The following SALL4 variants were observed in gnomAD, a reference collection of about 807,000 sequenced individuals.
The protein encoded by SALL4 is spalt like transcription factor 4.
In SALL4, 4 loss-of-function variants were observed where a neutral mutation model predicts 60.8. The ratio of observed to expected loss-of-function variants is 0.07; its 90% confidence interval spans 0.03 to 0.15. SALL4 has a LOEUF of 0.15. Among genes scored for constraint, SALL4 ranks in the 10% least tolerant of loss-of-function variants. The pLI is 1.00. For synonymous variants in SALL4, 580 were observed against 574.9 expected (o/e 1.01, Z -0.13); for missense variants, 1,178 against 1,394.7 (o/e 0.84, Z 2.48).
Position 51,791,497 on chromosome 20 carries a change from C to T in SALL4, c.986G>A (p.Arg329His), listed in dbSNP as rs376519013. 455 of 1,613,884 alleles carry T rather than the reference C, an allele frequency of 2.8e-4. No individual in the cohort carries two copies. Among genetic ancestry groups the T allele is most frequent in the Non-Finnish European group, 3.5e-4 (414 of 1,179,994 alleles). ...GTRVLPNVMS[R>H]LPSALLPQAP... ...CTGAGGAAGCAAAGCGCTCGGGAGG[C>T]GGGACATGACGTTCGGGAGCACCCG... The change falls in exon 2 of 4, where the codon CGC becomes CAC. Residue 329 changes from arginine to histidine, a missense_variant. Physicochemically the swap from Arg to His is conservative, Grantham distance 29. Transcript: ENST00000217086. This position sits in a 1 kb window ranked among gnomAD's most constrained non-coding sequence, Gnocchi z 4.6.
rs758006621 is a variant in SALL4 at position 51,784,384 on chromosome 20, T to C, written c.3043A>G (p.Lys1015Glu). ...ATACCCGACTGGGAGCCATCCATCTTGGAGACAGTGGCGTTATTCACAACG... is the reference window on the plus strand; with the variant it reads ...ATACCCGACTGGGAGCCATCCATCTCGGAGACAGTGGCGTTATTCACAACG... ...TSVVNNATVS[K>E]MDGSQSGISA... Residue 1015 changes from lysine (K) to glutamate (E), a missense_variant, in exon 4 of 4, where the codon AAG (lysine) becomes GAG (glutamate). Around this residue, in one of 5 missense-constraint regions of SALL4, gnomAD observed 174 missense variants for 169.6 expected, o/e 1.03. Coordinates refer to ENST00000217086, the MANE Select transcript of SALL4 (RefSeq NM_020436.5). 6.2e-7 allele frequency: 1 copy of C among 1,614,196 alleles called. No individual in the cohort carries two copies. Among genetic ancestry groups the C allele is most frequent in the Non-Finnish European group, 8.5e-7 (1 of 1,180,042 alleles).
At chr20:51,800,579 A>C (rs1228248604) in intron 1 of SALL4, among the ~76,000 whole-genome samples, 1 of 152,168 alleles carries the variant, frequency 6.6e-6, no homozygotes, top group Admixed American at 6.5e-5. Context: ...ACCCAAAATG[A>C]AGGGGGAAGG....
At chr20:51,800,168 C>G (rs2078101041) in intron 1 of SALL4, among the ~76,000 whole-genome samples, 1 of 152,116 alleles carries the variant, frequency 6.6e-6, no homozygotes, top group Non-Finnish European at 1.5e-5. Context: ...GCACAGACGA[C>G]GATCAAGCAG....
intron 3 of SALL4, among the ~76,000 whole-genome samples, chr20:51,787,267 T>C (rs141036491): frequency 1.6e-3 from 241 of 151,718 alleles, no homozygotes; most frequent in African/African-American, 5.7e-3. Context: ...ACTAAAAATA[T>C]ACAAAAATTA....
At chr20:51,798,951 C>A (rs893289107) in intron 1 of SALL4, among the ~76,000 whole-genome samples, 9 of 152,074 alleles carry the variant, frequency 5.9e-5, no homozygotes, top group African/African-American at 2.2e-4. Flanking sequence ...CAAGGCACCA[C>A]GGGCAAAGCC....
chr20:51,786,114 T>C (rs2077990837), intron 3 of SALL4, among the ~76,000 whole-genome samples: 1 of 131,246 alleles, frequency 7.6e-6, no homozygotes, highest in Non-Finnish European at 1.6e-5. Flanking sequence ...TGAGACAGAG[T>C]CTCGCTCTGT....
Position 51,802,500 on chromosome 20 carries a change from G to A in SALL4, c.-92C>T, listed in dbSNP as rs946797858. 7 of 1,568,550 alleles carry A rather than the reference G, an allele frequency of 4.5e-6. No individual in the cohort carries two copies. The highest frequency in any genetic ancestry group is 1.3e-5 in the African/African-American group (1 of 74,294). ...TGGGAAATTTACCCCCCTTCGGCCG[G>A]AACGCGCATGTCCCAGTAATTATTA... On this transcript the variant is annotated 5_prime_UTR_variant, in exon 1 of 4. Transcript: ENST00000217086.
chr20:51,796,297 G>A (rs73271698), intron 1 of SALL4, among the ~76,000 whole-genome samples: 1,855 of 149,372 alleles, frequency 0.012, 45 homozygotes, highest in African/African-American at 0.042. Flanking sequence ...CTACTTTTTA[G>A]AGGCCAAAGC....
rs1260080687 is a variant in SALL4 at position 51,783,095 on chromosome 20, G to C, written c.*1170C>G. On this transcript the variant is annotated 3_prime_UTR_variant, in exon 4 of 4. Transcript: ENST00000217086. The stretch of plus-strand genomic sequence containing the variant: ...CAATCAGTATGTGAACCTGTGATGG[G>C]AAACACGCCCTTCCACGAGTTTCTT... 1 of 152,144 alleles carries C rather than the reference G, an allele frequency of 6.6e-6. No homozygotes were observed. The highest frequency in any genetic ancestry group is 6.6e-5 in the Admixed American group (1 of 15,258). The allele number at this position is 152,144 out of a possible 1,614,324, so 9.4% of individuals were successfully genotyped here.
intron 3 of SALL4, among the ~76,000 whole-genome samples, chr20:51,785,009 A>G (rs1302036622): frequency 6.6e-6 from 1 of 152,154 alleles, no homozygotes; most frequent in Non-Finnish European, 1.5e-5. Context: ...GAGCACTGAA[A>G]CAGCTCATGT....
At chr20:51,798,548 G>C (rs2078092309) in intron 1 of SALL4, among the ~76,000 whole-genome samples, 1 of 152,142 alleles carries the variant, frequency 6.6e-6, no homozygotes, top group East Asian at 1.9e-4. Context: ...TTAAAAAATA[G>C]TCAAAAGTAC....
rs1039983227 is a variant in SALL4, at chr20:51,788,456, C to T, written c.2742+405G>A. On this transcript the variant is annotated intron_variant, in intron 3 of 3. Transcript: ENST00000217086. This position sits in a 1 kb window ranked among gnomAD's most constrained non-coding sequence, Gnocchi z 4.1. ...CTGTAATCCCAGCACTTTGGGAGGC[C>T]GAGGCAGGCGGATCACGAGATCAGG... 6.6e-6 allele frequency among the ~76,000 whole-genome samples: 1 copy of T among 151,802 alleles called. No homozygotes were observed. The highest frequency in any genetic ancestry group is 2.4e-5 in the African/African-American group (1 of 41,288).
rs1428240079 is a variant in SALL4, at chr20:51,791,007, C to A, written c.1476G>T (p.Gly492=). ...SVGLPQNLSS[G]TNPKDLTGGS... ...CACCCGTGAGGTCCTTGGGATTAGTCCCCGAAGAAAGATTCTGAGGTAGCC... is the reference window on the plus strand; with the variant it reads ...CACCCGTGAGGTCCTTGGGATTAGTACCCGAAGAAAGATTCTGAGGTAGCC... The change falls in exon 2 of 4, where the codon GGG becomes GGT. Residue 492 remains glycine (G), a synonymous_variant. Transcript: ENST00000217086. This position sits in a 1 kb window ranked among gnomAD's most constrained non-coding sequence, Gnocchi z 4.6. 2 of 1,614,022 alleles carry A rather than the reference C, an allele frequency of 1.2e-6. No individual in the cohort carries two copies. Among genetic ancestry groups the A allele is most frequent in the Non-Finnish European group, 1.7e-6 (2 of 1,180,032 alleles).
At chr20:51,789,374 C>CAT (rs1295224335) in intron 2 of SALL4, among the ~76,000 whole-genome samples, 1 of 151,386 alleles carries the variant, frequency 6.6e-6, no homozygotes, top group East Asian at 1.9e-4. Context: ...GCATGGGCAA[C>CAT]ATATAAACAC....
rs1344720597 is a variant in SALL4, at chr20:51,790,651, G to A, written c.1832C>T (p.Thr611Ile). The change falls in exon 2 of 4, where the codon ACA becomes ATA. Residue 611 changes from threonine (T) to isoleucine (I), a missense_variant. Transcript: ENST00000217086. This position sits in a 1 kb window ranked among gnomAD's most constrained non-coding sequence, Gnocchi z 5.5. ...GTTGGTTCGGTGAACCCCAAGGTGT[G>A]TCTTCAGGTTACCTTTGGTAGAAAA... is the stretch of plus-strand genomic sequence containing the variant. Reference protein sequence around the residue: ...RAFSTKGNLKTHLGVHRTNTS... With the variant: ...RAFSTKGNLKIHLGVHRTNTS... The A allele has an allele frequency of 1.2e-6, 2 of 1,614,196 alleles. No homozygotes were observed. The highest frequency in any genetic ancestry group is 2.2e-5 in the East Asian group (1 of 44,878).
At chr20:51,798,227 C>T (rs2078089946) in intron 1 of SALL4, among the ~76,000 whole-genome samples, 1 of 152,142 alleles carries the variant, frequency 6.6e-6, no homozygotes, top group African/African-American at 2.4e-5. Flanking sequence ...CAGCCTTGAA[C>T]CAAAATTCGG....
rs905522434 is a variant in SALL4 at position 51,796,241 on chromosome 20, A to G, written c.131-3889T>C. On this transcript the variant is annotated intron_variant, in intron 1 of 3. Coordinates refer to ENST00000217086, the MANE Select transcript of SALL4 (RefSeq NM_020436.5). ...AAGAAAGAAAGAAAAGAAAAGAAAA[A>G]AAAAACCCTCAATAAAGCCCATGCA... Among the ~76,000 whole-genome samples, 136 of 151,580 alleles carry G rather than the reference A, an allele frequency of 9.0e-4. 3 individuals carry two copies. The highest frequency in any genetic ancestry group is 7.8e-4 in the Non-Finnish European group (53 of 67,898).
Position 51,790,250 on chromosome 20 carries a change from G to A in SALL4, c.2233C>T (p.Arg745Cys), listed in dbSNP as rs111502708. ...KVGPAPFNLQRQGSRENGSVE... is the reference protein window; with the variant it reads ...KVGPAPFNLQCQGSRENGSVE... ...GAACCGTTTTCTCTGCTGCCCTGGC[G>A]CTGCAGGTTAAAAGGGGCAGGACCC... is the stretch of plus-strand genomic sequence containing the variant. Residue 745 changes from arginine (R) to cysteine (C), a missense_variant, in exon 2 of 4, where the codon CGC (arginine) becomes TGC (cysteine). Transcript: ENST00000217086. This position sits in a 1 kb window ranked among gnomAD's most constrained non-coding sequence, Gnocchi z 5.5. The A allele has an allele frequency of 4.4e-5, 71 of 1,614,022 alleles. No individual in the cohort carries two copies. The highest frequency in any genetic ancestry group is 3.2e-4 in the African/African-American group (24 of 74,906).
In SALL4 at chr20:51,791,305, G is replaced by A. The variant is rs1021761979; in HGVS notation, c.1178C>T (p.Thr393Ile). Residue 393 changes from threonine to isoleucine, a missense_variant, in exon 2 of 4, where the codon ACT becomes ATT. Coordinates refer to ENST00000217086, the MANE Select transcript of SALL4 (RefSeq NM_020436.5). The surrounding 1 kb of genome is among the most constrained non-coding windows in gnomAD (Gnocchi z 4.6). The part of the protein sequence containing the change: ...KCKYCSKVFG[T>I]DSSLQIHLRS... ...GAGGTGGATCTGCAAGGAGCTATCA[G>A]TCCCAAAAACCTTGCTACAGTACTT... 6.2e-7 allele frequency: 1 copy of A among 1,614,150 alleles called. No homozygotes were observed. The highest frequency in any genetic ancestry group is 8.5e-7 in the Non-Finnish European group (1 of 1,180,032).
Sources: allele counts gnomAD v4.1 joint callset (sites outside exome capture counted in the v4.1 genomes callset), GRCh38; gene constraint gnomAD v4.1.1; regional missense constraint gnomAD v4.1.1; non-coding constraint Gnocchi (gnomAD v3.1); transcripts MANE v1.5; gene names NCBI Gene and HGNC (gene_info 2026-07-23, HGNC 2026-07-21).